Variants in MYO7B observed in about 807,000 individuals in gnomAD.
The protein encoded by MYO7B is unconventional myosin-VIIb.
Under a neutral mutation model 259.7 loss-of-function variants are expected in MYO7B, and 212 were observed. That is an observed-to-expected ratio of 0.82 (90% CI 0.73 to 0.91). The LOEUF (loss-of-function observed/expected upper bound fraction) is 0.91, where lower values mean the gene tolerates loss of function less well. Among genes scored for constraint, MYO7B ranks in the 40% least tolerant of loss-of-function variants. MYO7B has a pLI of 0.00. For missense variants in MYO7B, 2,732 were observed against 2,813.5 expected, an observed-to-expected ratio of 0.97 and a Z score of 0.66; for synonymous variants, 1,197 against 1,166.4, an observed-to-expected ratio of 1.03 and a Z score of -0.54.
At position 127,576,401 on chromosome 2, in the gene MYO7B, G is replaced by C. The variant is rs576718323; in HGVS notation, c.736-194G>C. On this transcript the variant is annotated intron_variant, in intron 7 of 47. Transcript: ENST00000409816. This position sits in a 1 kb window ranked among gnomAD's most constrained non-coding sequence, Gnocchi z 4.9. ...AGGGAAATGGAGTTCTCAGGGCAGG[G>C]ATGAGACAGCCGCGGAGGCCCGGGA... 3.2e-4 allele frequency among the ~76,000 whole-genome samples: 49 copies of C among 152,276 alleles called. No individual in the cohort carries two copies. Among genetic ancestry groups the C allele is most frequent in the Admixed American group, 2.7e-3 (41 of 15,298 alleles).
chr2:127,561,410 C>A (rs898754752), intron 2 of MYO7B, among the ~76,000 whole-genome samples: 3 of 152,118 alleles, frequency 2.0e-5, no homozygotes, highest in African/African-American at 7.2e-5. Flanking sequence ...AGGCACCCAC[C>A]ACCATGCCCA....
At position 127,637,493 on chromosome 2, in the gene MYO7B, C is replaced by G. The variant is rs570998196; in HGVS notation, c.*76C>G. The G allele has an allele frequency of 4.4e-6, 5 of 1,124,706 alleles. No homozygotes were observed. Among genetic ancestry groups the G allele is most frequent in the African/African-American group, 3.2e-5 (2 of 63,460 alleles). The allele number at this position is 1,124,706 out of a possible 1,614,324, so 69.7% of individuals were successfully genotyped here. On this transcript the variant is annotated 3_prime_UTR_variant, in exon 48 of 48. Transcript: ENST00000409816. ...GCGGCACCTTCCCAGGCCCTCTCAACCCAGGGCCTGTCCTTGGCGGGCAGC... is the reference window on the plus strand; with the variant it reads ...GCGGCACCTTCCCAGGCCCTCTCAAGCCAGGGCCTGTCCTTGGCGGGCAGC...
rs1384910354 is a variant in MYO7B, at chr2:127,597,026, A to C, written c.2339+470A>C. 6.6e-6 allele frequency among the ~76,000 whole-genome samples: 1 copy of C among 152,236 alleles called. No individual in the cohort carries two copies. Among genetic ancestry groups the C allele is most frequent in the Non-Finnish European group, 1.5e-5 (1 of 68,030 alleles). On this transcript the variant is annotated intron_variant, in intron 19 of 47. Transcript: ENST00000409816. This position sits in a 1 kb window ranked among gnomAD's most constrained non-coding sequence, Gnocchi z 4.8. ...ACCTGGGTTCCTGAGCCACCATAGC[A>C]AGGGCTGGAAACCCAGGCATGAGAA... is the stretch of plus-strand genomic sequence containing the variant.
chr2:127,563,005 G>A (rs1678171657), intron 2 of MYO7B, among the ~76,000 whole-genome samples: 1 of 152,134 alleles, frequency 6.6e-6, no homozygotes, highest in South Asian at 2.1e-4. Flanking sequence ...ATCAGGGTAT[G>A]TTCTCCTGCT....
In MYO7B at chr2:127,631,378, C is replaced by G; in HGVS notation, c.5095+15C>G. On this transcript the variant is annotated intron_variant, in intron 37 of 47. Coordinates refer to ENST00000409816, the MANE Select transcript of MYO7B (RefSeq NM_001393586.1). The stretch of plus-strand genomic sequence containing the variant: ...GATCTTTGTCGATATCCTTCCCCAC[C>G]AGCCTGCCTGCACCTCGTCAATGCC... 6.3e-7 allele frequency: 1 copy of G among 1,597,292 alleles called. No individual in the cohort carries two copies. The highest frequency in any genetic ancestry group is 8.6e-7 in the Non-Finnish European group (1 of 1,168,036).
chr2:127,629,711 T>C lies in MYO7B; in HGVS notation c.4691T>C (p.Leu1564Pro). 6.2e-7 allele frequency: 1 copy of C among 1,612,434 alleles called. No individual in the cohort carries two copies. ...GTCCTCACAAAGAAGCAGGGGCTGC[T>C]GGCCTCTGAGAACTGGACCCTCGGC... ...LLVLTKKQGL[L>P]ASENWTLGQN... is the part of the protein sequence containing the mutation. Residue 1564 changes from leucine to proline, a missense_variant, in exon 35 of 48, where the codon CTG becomes CCG. Physicochemically the swap from Leu to Pro is moderately conservative, Grantham distance 98. Transcript: ENST00000409816.
rs373498646 is a variant in MYO7B at position 127,629,813 on chromosome 2, C to A, written c.4793C>A (p.Ser1598Ter). Reference sequence around the variant, plus strand: ...ACCATCCCCACGGTCACTAAGCCCTCGGCACAGCTGCTGGTAACTGGCACG... The same window carrying A: ...ACCATCCCCACGGTCACTAAGCCCTAGGCACAGCTGCTGGTAACTGGCACG... ...LYTIPTVTKPSAQLLSLLAMS... is the reference protein window; with the variant it reads ...LYTIPTVTKP Residue 1598 changes from serine (S) to a stop codon, truncating the protein, a stop_gained, in exon 35 of 48, where the codon TCG (serine) becomes TAG (stop). Coordinates refer to ENST00000409816, the MANE Select transcript of MYO7B (RefSeq NM_001393586.1). LOFTEE classifies it high-confidence loss of function. 1.7e-5 allele frequency: 27 copies of A among 1,565,498 alleles called. No individual in the cohort carries two copies. The highest frequency in any genetic ancestry group is 2.3e-5 in the Non-Finnish European group (27 of 1,154,320).
In MYO7B at chr2:127,576,001, G is replaced by T. The variant is rs1022951991; in HGVS notation, c.736-594G>T. On this transcript the variant is annotated intron_variant, in intron 7 of 47. Transcript: ENST00000409816. The surrounding 1 kb of genome is among the most constrained non-coding windows in gnomAD (Gnocchi z 4.9). ...AATAGTGTTTTAAAAAATACAGAAG[G>T]CACCCTAGGCAACATGGCAAAACCC... Among the ~76,000 whole-genome samples, 4 of 152,180 alleles carry T rather than the reference G, an allele frequency of 2.6e-5. No individual in the cohort carries two copies. Among genetic ancestry groups the T allele is most frequent in the Admixed American group, 6.5e-5 (1 of 15,298 alleles).
At chr2:127,550,929 C>G (rs1693421760) in intron 1 of MYO7B, among the ~76,000 whole-genome samples, 1 of 152,062 alleles carries the variant, frequency 6.6e-6, no homozygotes, top group Non-Finnish European at 1.5e-5. Flanking sequence ...ACTTTAACAG[C>G]TTGGAATAAC....
intron 19 of MYO7B, among the ~76,000 whole-genome samples, chr2:127,596,948 A>T (rs1186763036): frequency 6.6e-6 from 1 of 152,238 alleles, no homozygotes; most frequent in African/African-American, 2.4e-5. Context: ...GTACCGCTAG[A>T]GTTGTAATCC....
Position 127,636,733 on chromosome 2 carries a change from C to T in MYO7B, c.6208-61C>T. 1 of 1,611,940 alleles carries T rather than the reference C, an allele frequency of 6.2e-7. No individual in the cohort carries two copies. Among genetic ancestry groups the T allele is most frequent in the Non-Finnish European group, 8.5e-7 (1 of 1,178,990 alleles). ...GTGTGTCCTGCCTCTCTCCTGTCCC[C>T]TAACACACACAGAGCCCGTGCTCTG... On this transcript the variant is annotated intron_variant, in intron 46 of 47. Transcript: ENST00000409816. This position sits in a 1 kb window ranked among gnomAD's most constrained non-coding sequence, Gnocchi z 4.5.
In MYO7B at chr2:127,585,071, A is replaced by G. The variant is rs373889336; in HGVS notation, c.1690+158A>G. ...CTACTGGAGAAAGAAAATGGAGTGGACCGGGCATGTTTTGTTTTGTTTCTG... is the reference window on the plus strand; with the variant it reads ...CTACTGGAGAAAGAAAATGGAGTGGGCCGGGCATGTTTTGTTTTGTTTCTG... On this transcript the variant is annotated intron_variant, in intron 14 of 47. Transcript: ENST00000409816. The surrounding 1 kb of genome is among the most constrained non-coding windows in gnomAD (Gnocchi z 4.3). Among the ~76,000 whole-genome samples, 3 of 152,114 alleles carry G rather than the reference A, an allele frequency of 2.0e-5. No homozygotes were observed. The highest frequency in any genetic ancestry group is 7.2e-5 in the African/African-American group (3 of 41,424).
intron 14 of MYO7B, among the ~76,000 whole-genome samples, chr2:127,588,091 G>A (rs1679370034): frequency 6.6e-6 from 1 of 152,186 alleles, no homozygotes; most frequent in South Asian, 2.1e-4. Context: ...TAGTCTGAAG[G>A]AGCCTTAGCC....
At chr2:127,571,461 CTTGTTTGTTTTTTGT>C (rs1249695777) in intron 6 of MYO7B, among the ~76,000 whole-genome samples, 5 of 37,426 alleles carry the variant, frequency 1.3e-4, no homozygotes, top group African/African-American at 2.2e-4. Flanking sequence ...TTTTTTTTTG[CTTGTTTGTTTTTTGT>C]TTGTTTGTTT....
At chr2:127,547,627 T>G (rs942501441) in intron 1 of MYO7B, among the ~76,000 whole-genome samples, 3 of 152,038 alleles carry the variant, frequency 2.0e-5, no homozygotes, top group African/African-American at 7.2e-5. Context: ...ACGGTCAACT[T>G]TTGCATCTTC....
Position 127,634,296 on chromosome 2 carries a change from C to T in MYO7B, c.5625+7C>T, listed in dbSNP as rs778425320. On this transcript the variant is annotated splice_region_variant and intron_variant, in intron 41 of 47. Coordinates refer to ENST00000409816, the MANE Select transcript of MYO7B (RefSeq NM_001393586.1). The stretch of plus-strand genomic sequence containing the variant: ...CATCAAGATTTCAGACAAGGTGGGC[C>T]GGGCTGGGGCTGGGCAGACGGTGGG... 39 of 1,559,388 alleles carry T rather than the reference C, an allele frequency of 2.5e-5. 3 individuals carry two copies. The South Asian group carries it at 4.0e-4, about 16-fold the overall frequency.
At chr2:127,562,479 A>ATTT (rs1678136797) in intron 2 of MYO7B, among the ~76,000 whole-genome samples, 24 of 59,850 alleles carry the variant, frequency 4.0e-4, no homozygotes, top group South Asian at 1.2e-3. Flanking sequence ...GTGGGGTTTT[A>ATTT]TTGTTTTTTT....
chr2:127,554,849 G>A lies in MYO7B; in HGVS notation c.-23-4851G>A, dbSNP rs192859267. 2.7e-3 allele frequency among the ~76,000 whole-genome samples: 416 copies of A among 152,068 alleles called. 2 individuals are homozygous for A. Among genetic ancestry groups the A allele is most frequent in the African/African-American group, 9.5e-3 (395 of 41,508 alleles). ...CCAGGAATTCATCCATTTCCTCTAG[G>A]CTTTCTAGTTTATGCGTGTAAAGGT... On this transcript the variant is annotated intron_variant, in intron 1 of 47. Coordinates refer to ENST00000409816, the MANE Select transcript of MYO7B (RefSeq NM_001393586.1).
In MYO7B at chr2:127,620,374, T is replaced by G; in HGVS notation, c.3433T>G (p.Ser1145Ala). The change falls in exon 27 of 48, where the codon TCG becomes GCG. Residue 1145 changes from serine (S) to alanine (A), a missense_variant. Transcript: ENST00000409816. The stretch of plus-strand genomic sequence containing the variant: ...TTACTGCCAGATCTGCAAGCAGCTC[T>G]CGGAGAACTTCAAAACAAGCAGCCT... ...EIYCQICKQL[S>A]ENFKTSSLAR... 6.2e-7 allele frequency: 1 copy of G among 1,612,794 alleles called. No homozygotes were observed. Among genetic ancestry groups the G allele is most frequent in the Non-Finnish European group, 8.5e-7 (1 of 1,179,010 alleles).
Sources: gnomAD v4.1 joint callset for allele counts (sites outside exome capture counted in the v4.1 genomes callset) on GRCh38, gnomAD v4.1.1 for gene constraint, Gnocchi (gnomAD v3.1) non-coding constraint, MANE v1.5 for transcripts, NCBI Gene and HGNC (gene_info 2026-07-23, HGNC 2026-07-21) for gene names.